Variants in PLCG2 observed in about 807,000 individuals in gnomAD.
PLCG2 encodes the protein 1-phosphatidylinositol 4,5-bisphosphate phosphodiesterase gamma-2.
Under a neutral mutation model 175.6 loss-of-function variants are expected in PLCG2, and 69 were observed. That is an observed-to-expected ratio of 0.39 (90% CI 0.32 to 0.48). PLCG2 has a LOEUF of 0.48. Ranked by LOEUF, PLCG2 falls within the 20% of genes least tolerant of loss-of-function variation. The pLI is 0.91. For missense variants in PLCG2, 1,798 were observed against 1,650.9 expected, an observed-to-expected ratio of 1.09 and a Z score of -1.54; for synonymous variants, 827 against 624.0, an observed-to-expected ratio of 1.33 and a Z score of -4.85.
chr16:81,773,588 G>A (rs140608758), intron 2 of PLCG2, among the ~76,000 whole-genome samples: 4 of 152,160 alleles, frequency 2.6e-5, no homozygotes, highest in Non-Finnish European at 5.9e-5. Flanking sequence ...TTTTACATGA[G>A]GTTTGGGGCC....
intron 1 of PLCG2, among the ~76,000 whole-genome samples, chr16:81,782,080 G>A (rs1301022385): frequency 6.6e-6 from 1 of 152,068 alleles, no homozygotes; most frequent in Admixed American, 6.5e-5. Flanking sequence ...GTTTCATCGT[G>A]TTAGCCAGGA....
intron 19 of PLCG2, among the ~76,000 whole-genome samples, chr16:81,917,764 C>G (rs1389165289): frequency 6.6e-6 from 1 of 152,138 alleles, no homozygotes; most frequent in Non-Finnish European, 1.5e-5. Context: ...CTCTGTTGCC[C>G]AGGCTGGAGT....
At chr16:81,777,611 G>A (rs1345365654), upstream of PLCG2, among the ~76,000 whole-genome samples, 4 of 151,400 alleles carry the variant, frequency 2.6e-5, no homozygotes, top group Non-Finnish European at 4.4e-5. Flanking sequence ...AGCTATACAC[G>A]CCAGTTGGGA....
chr16:81,925,096 G>C (rs998998394), intron 22 of PLCG2, among the ~76,000 whole-genome samples: 31 of 152,288 alleles, frequency 2.0e-4, no homozygotes, highest in Middle Eastern at 3.4e-3. Context: ...TGTGTGAGAT[G>C]GCCTCATGCC....
intron 2 of PLCG2, among the ~76,000 whole-genome samples, chr16:81,760,068 G>A (rs757610368): frequency 9.9e-5 from 15 of 152,250 alleles, no homozygotes; most frequent in Non-Finnish European, 1.8e-4. Context: ...GGAGCTTGCA[G>A]TGAGCCGAGA....
intron 2 of PLCG2, among the ~76,000 whole-genome samples, chr16:81,819,806 G>C (rs750519277): frequency 1.8e-4 from 28 of 152,046 alleles, no homozygotes; most frequent in South Asian, 4.1e-4. Context: ...GGCTGGTCTC[G>C]AACTCCTGAC....
At chr16:81,940,109 T>C (rs774043896) in intron 30 of PLCG2, 50 bp downstream of exon 30, 3 of 1,472,550 alleles carry the variant, frequency 2.0e-6, no homozygotes, top group Middle Eastern at 1.8e-4. Context: ...CGTTGTACTT[T>C]GGTTTGGCTG....
intron 2 of PLCG2, among the ~76,000 whole-genome samples, chr16:81,825,118 C>G (rs1004398535): frequency 6.6e-6 from 1 of 152,056 alleles, no homozygotes; most frequent in African/African-American, 2.4e-5. Flanking sequence ...CCCAGCGAGA[C>G]CCGTTTTGGA....
chr16:81,958,396 G>A lies in PLCG2; in HGVS notation c.*398G>A, dbSNP rs2143785409. 4.0e-6 allele frequency: 1 copy of A among 251,800 alleles called. No individual in the cohort carries two copies. Among genetic ancestry groups the A allele is most frequent in the Non-Finnish European group, 7.7e-6 (1 of 130,212 alleles). 15.6% of individuals were successfully genotyped at this position (251,800 alleles called of 1,614,324 possible). ...GATCCAGGTAACTGATGTCCATGGA[G>A]GATGAGCTGGAAATGTAAGAAACTA... On this transcript the variant is annotated 3_prime_UTR_variant, in exon 33 of 33. Transcript: ENST00000564138.
chr16:81,933,693 G>T (rs1370485614), intron 25 of PLCG2, among the ~76,000 whole-genome samples: 1 of 152,018 alleles, frequency 6.6e-6, no homozygotes, highest in Non-Finnish European at 1.5e-5. Context: ...TCCCTCAAGT[G>T]CTTAGCCTGT....
rs777881688 is a variant in PLCG2, at chr16:81,880,925, A to C, written c.664A>C (p.Lys222Gln). 1.2e-6 allele frequency: 2 copies of C among 1,614,098 alleles called. No homozygotes were observed. Among genetic ancestry groups the C allele is most frequent in the South Asian group, 2.2e-5 (2 of 91,078 alleles). The change falls in exon 8 of 33, where the codon AAA becomes CAA. Residue 222 changes from lysine to glutamine, a missense_variant. By Grantham distance (53) the Lys-to-Gln change is moderately conservative. Coordinates refer to ENST00000564138, the MANE Select transcript of PLCG2 (RefSeq NM_002661.5). ...TCCATTTCAGATTCTCGATGAATTC[A>C]AAAAGGATTCGTCCGTGTTCATCCT... ...EQQKSILDEF[K>Q]KDSSVFILGN...
intron 1 of PLCG2, among the ~76,000 whole-genome samples, chr16:81,784,813 C>G (rs903674208): frequency 1.3e-5 from 2 of 152,044 alleles, no homozygotes; most frequent in Non-Finnish European, 2.9e-5. Flanking sequence ...GCCTAGCTGG[C>G]AAGGGGGTCC....
At chr16:81,861,341 C>G (rs1195171683) in intron 5 of PLCG2, among the ~76,000 whole-genome samples, 9 of 152,206 alleles carry the variant, frequency 5.9e-5, no homozygotes, top group Admixed American at 3.3e-4. Context: ...TTGAAGGTGA[C>G]TTCGTGTCTG....
rs1278551242 is a variant in PLCG2, at chr16:81,927,079, C to T, written c.2418-3C>T. 5 of 1,603,708 alleles carry T rather than the reference C, an allele frequency of 3.1e-6. No homozygotes were observed. The highest frequency in any genetic ancestry group is 4.3e-6 in the Non-Finnish European group (5 of 1,170,694). On this transcript the variant is annotated splice_region_variant and splice_polypyrimidine_tract_variant and intron_variant, in intron 22 of 32. Transcript: ENST00000564138. The stretch of plus-strand genomic sequence containing the variant: ...CGCCCCCATGTCCTCTCTTCTTATC[C>T]AGGTGGAAAGGAGACTATGGAACCA...
intron 2 of PLCG2, among the ~76,000 whole-genome samples, chr16:81,825,015 T>G (rs548024837): frequency 7.9e-5 from 12 of 152,186 alleles, no homozygotes; most frequent in Non-Finnish European, 1.5e-4. Context: ...AGCCAAGAAA[T>G]GCAGGTGGCC....
At position 81,961,253 on chromosome 16, in the gene PLCG2, C is replaced by T. The variant is rs924394860; in HGVS notation, c.*3255C>T. On this transcript the variant is annotated 3_prime_UTR_variant, in exon 33 of 33. Transcript: ENST00000564138. ...TCTGTGTGAACAAGGATCAACATCT[C>T]CATAAATGAAATTGAAAACGGAAAA... 4.4e-6 allele frequency: 1 copy of T among 225,576 alleles called. No individual in the cohort carries two copies. The highest frequency in any genetic ancestry group is 8.8e-6 in the Non-Finnish European group (1 of 113,458). 14.0% of individuals were successfully genotyped at this position (225,576 alleles called of 1,614,324 possible).
intron 2 of PLCG2, among the ~76,000 whole-genome samples, chr16:81,833,341 C>T (rs560203964): frequency 1.3e-5 from 2 of 152,226 alleles, no homozygotes; most frequent in South Asian, 4.2e-4. Context: ...TCCACACCCC[C>T]AGGGTCCTTT....
chr16:81,857,290 G>C (rs1052970020), intron 3 of PLCG2, among the ~76,000 whole-genome samples: 13 of 152,184 alleles, frequency 8.5e-5, no homozygotes, highest in African/African-American at 2.7e-4. Flanking sequence ...CTGGGGTTGA[G>C]AAACTCTGCT....
chr16:81,794,086 G>T (rs930528337), intron 2 of PLCG2, among the ~76,000 whole-genome samples: 9 of 152,124 alleles, frequency 5.9e-5, no homozygotes, highest in Non-Finnish European at 1.0e-4. Context: ...GACTTGCTCT[G>T]CCAGGTGCTG....
Sources: allele counts gnomAD v4.1 joint callset (sites outside exome capture counted in the v4.1 genomes callset), GRCh38; gene constraint gnomAD v4.1.1; transcripts MANE v1.5; gene names NCBI Gene and HGNC (gene_info 2026-07-23, HGNC 2026-07-21).